PSMG1: variants seen among roughly 807,000 people sequenced by gnomAD.
PSMG1 encodes proteasome assembly chaperone 1, also known as Down syndrome critical region gene 2.
Under a neutral mutation model 37.2 loss-of-function variants are expected in PSMG1, and 23 were observed. That is an observed-to-expected ratio of 0.62 (90% CI 0.44 to 0.88). PSMG1 has a LOEUF of 0.88. Among genes scored for constraint, PSMG1 ranks in the 40% least tolerant of loss-of-function variants. The pLI, the probability that PSMG1 is intolerant of heterozygous loss-of-function variation, is 0.00. For missense variants in PSMG1, 340 were observed against 344.2 expected, an observed-to-expected ratio of 0.99 and a Z score of 0.10; for synonymous variants, 127 against 128.0, an observed-to-expected ratio of 0.99 and a Z score of 0.05.
Position 39,177,487 on chromosome 21 carries a change from A to G in PSMG1, c.740T>C (p.Val247Ala), listed in dbSNP as rs779492117. 1.1e-4 allele frequency: 181 copies of G among 1,608,436 alleles called. 2 individuals are homozygous for G. The South Asian group carries it at 1.9e-3, about 17-fold the overall frequency. The change falls in exon 6 of 7, where the codon GTG becomes GCG. Residue 247 changes from valine to alanine, a missense_variant. By Grantham distance (64) the Val-to-Ala change is moderately conservative. Coordinates refer to ENST00000331573, the MANE Select transcript of PSMG1 (RefSeq NM_003720.4). ...TDVMKLDLIT[V>A]EAFKPILSTR... is the part of the protein sequence containing the mutation. ...AGAAAGTATAGGCTTAAAAGCTTCCACTGTGATTAGGTCTAATTTCATCAC... is the reference window on the plus strand; with the variant it reads ...AGAAAGTATAGGCTTAAAAGCTTCCGCTGTGATTAGGTCTAATTTCATCAC...
Position 39,178,664 on chromosome 21 carries a change from T to C in PSMG1, c.457-17A>G. 1 of 1,595,832 alleles carries C rather than the reference T, an allele frequency of 6.3e-7. No individual in the cohort carries two copies. The highest frequency in any genetic ancestry group is 8.5e-7 in the Non-Finnish European group (1 of 1,169,616). Reference sequence around the variant, plus strand: ...GCCAAAAACCTAACATAAAATTTATTTCAAATTAAAAAAAACATATAATTT... The same window carrying C: ...GCCAAAAACCTAACATAAAATTTATCTCAAATTAAAAAAAACATATAATTT... On this transcript the variant is annotated splice_polypyrimidine_tract_variant and intron_variant, in intron 4 of 6. Coordinates refer to ENST00000331573, the MANE Select transcript of PSMG1 (RefSeq NM_003720.4).
In PSMG1 at chr21:39,183,442, T is replaced by C; in HGVS notation, c.-57A>G. On this transcript the variant is annotated 5_prime_UTR_variant, in exon 1 of 7. Coordinates refer to ENST00000331573, the MANE Select transcript of PSMG1 (RefSeq NM_003720.4). ...AGCGCCGCGGGACCGCACGCCGGCT[T>C]GCGCGAGACCACGCTCCCTCACCGC... 2.0e-6 allele frequency: 3 copies of C among 1,514,386 alleles called. No individual in the cohort carries two copies. Among genetic ancestry groups the C allele is most frequent in the South Asian group, 1.2e-5 (1 of 81,254 alleles). 93.8% of individuals were successfully genotyped at this position (1,514,386 alleles called of 1,614,324 possible). A position where few individuals can be genotyped will look rare whatever the true frequency, so the allele number is the denominator to read the frequency against.
rs759103374 is a variant in PSMG1 at position 39,183,426 on chromosome 21, G to A, written c.-41C>T. 2.3e-5 allele frequency: 36 copies of A among 1,535,948 alleles called. No individual in the cohort carries two copies. Among genetic ancestry groups the A allele is most frequent in the Middle Eastern group, 1.7e-4 (1 of 5,904 alleles). ...GGCTGGACACAACTGCAGCGCCGCG[G>A]GACCGCACGCCGGCTTGCGCGAGAC... On this transcript the variant is annotated 5_prime_UTR_variant, in exon 1 of 7. Transcript: ENST00000331573.
chr21:39,183,250 A>G lies in PSMG1; in HGVS notation c.134+2T>C. ...CGCGCTGCCCTTATCCCGGTGCCTC[A>G]CCTCTTCCGCGCCAGCTGCAGACGC... On this transcript the variant is annotated splice_donor_variant, in intron 1 of 6. Coordinates refer to ENST00000331573, the MANE Select transcript of PSMG1 (RefSeq NM_003720.4). LOFTEE classifies it high-confidence loss of function. The G allele has an allele frequency of 6.3e-7, 1 of 1,578,930 alleles. No individual in the cohort carries two copies. The highest frequency in any genetic ancestry group is 1.4e-5 in the African/African-American group (1 of 71,814).
chr21:39,176,163 T>C (rs1287333637), intron 6 of PSMG1, among the ~76,000 whole-genome samples: 1 of 152,218 alleles, frequency 6.6e-6, no homozygotes, highest in East Asian at 1.9e-4. Context: ...CTGATGTAAT[T>C]GGTCATTAAG....
chr21:39,182,303 T>A (rs986334797), intron 1 of PSMG1, among the ~76,000 whole-genome samples: 1 of 152,176 alleles, frequency 6.6e-6, no homozygotes, highest in African/African-American at 2.4e-5. Context: ...AACGAAGCTA[T>A]CAGACAAATT....
In PSMG1 at chr21:39,183,365, T is replaced by A. The variant is rs1331996164; in HGVS notation, c.21A>T (p.Gly7=). Residue 7 remains glycine, a synonymous_variant, in exon 1 of 7, where the codon GGA becomes GGT. Coordinates refer to ENST00000331573, the MANE Select transcript of PSMG1 (RefSeq NM_003720.4). MAATFF[G]EVVKAPCRAG... is the part of the protein sequence containing the mutation. ...CTCGGCACGGCGCCTTCACCACCTC[T>A]CCGAAGAACGTGGCCGCCATAGCCG... The A allele has an allele frequency of 6.4e-7, 1 of 1,572,700 alleles. No homozygotes were observed. The highest frequency in any genetic ancestry group is 8.6e-7 in the Non-Finnish European group (1 of 1,163,174).
At chr21:39,181,542 G>T (rs1409054417) in intron 2 of PSMG1, among the ~76,000 whole-genome samples, 1 of 151,770 alleles carries the variant, frequency 6.6e-6, no homozygotes, top group African/African-American at 2.4e-5. Flanking sequence ...GATCACTTGA[G>T]GACAGGAGTG....
At position 39,175,593 on chromosome 21, in the gene PSMG1, T is replaced by A. The variant is rs2146403209; in HGVS notation, c.864A>T (p.Thr288=). 2 of 1,588,638 alleles carry A rather than the reference T, an allele frequency of 1.3e-6. No individual in the cohort carries two copies. The highest frequency in any genetic ancestry group is 4.5e-5 in the East Asian group (2 of 44,720). Residue 288 remains threonine, a synonymous_variant, in exon 7 of 7, where the codon ACA becomes ACT. Transcript: ENST00000331573. The part of the protein sequence containing the change: ...TTNEIQSNIY[T] Reference sequence around the variant, plus strand: ...CACTACAAAACAATGTTTAAGATCATGTATAAATGTTACTCTGAATCTCAT... The same window carrying A: ...CACTACAAAACAATGTTTAAGATCAAGTATAAATGTTACTCTGAATCTCAT...
At chr21:39,182,117 A>AATCTTAGC (rs1292986935) in intron 1 of PSMG1, among the ~76,000 whole-genome samples, 1 of 152,254 alleles carries the variant, frequency 6.6e-6, no homozygotes, top group Non-Finnish European at 1.5e-5. Flanking sequence ...CCCAAGAACC[A>AATCTTAGC]ATCTTAGCAT....
Position 39,183,296 on chromosome 21 carries a change from C to T in PSMG1, c.90G>A (p.Glu30=). The change falls in exon 1 of 7, where the codon GAG becomes GAA. Residue 30 remains glutamate (E), a synonymous_variant. Coordinates refer to ENST00000331573, the MANE Select transcript of PSMG1 (RefSeq NM_003720.4). ...GACGCACCTCCCTGTCCTCGGGCGTCTCCCTCCGCCCCTCCTCCTCCTCCT... is the reference window on the plus strand; with the variant it reads ...GACGCACCTCCCTGTCCTCGGGCGTTTCCCTCCGCCCCTCCTCCTCCTCCT... ...DEEEEEEGRR[E]TPEDREVRLQ... is the part of the protein sequence containing the mutation. 1.9e-6 allele frequency: 3 copies of T among 1,586,178 alleles called. No individual in the cohort carries two copies. The highest frequency in any genetic ancestry group is 2.6e-6 in the Non-Finnish European group (3 of 1,169,046).
chr21:39,180,584 A>T (rs965803568), intron 2 of PSMG1, 148 bp from the exon 3 acceptor site: 4 of 708,862 alleles, frequency 5.6e-6, no homozygotes, highest in Non-Finnish European at 8.2e-6. Context: ...ATACAGAAAA[A>T]GAAACTGAGG....
intron 1 of PSMG1, among the ~76,000 whole-genome samples, chr21:39,182,626 C>T (rs865867355): frequency 6.6e-6 from 1 of 152,124 alleles, no homozygotes; most frequent in African/African-American, 2.4e-5. Flanking sequence ...GACTGGAATT[C>T]GCTTAGGAGT....
chr21:39,176,643 G>A (rs2030636097), intron 6 of PSMG1, among the ~76,000 whole-genome samples: 1 of 152,226 alleles, frequency 6.6e-6, no homozygotes, highest in Non-Finnish European at 1.5e-5. Flanking sequence ...TGCCAGGTAT[G>A]TGGTAAACTT....
At chr21:39,179,207 C>A (rs1419925732) in intron 4 of PSMG1, among the ~76,000 whole-genome samples, 1 of 152,158 alleles carries the variant, frequency 6.6e-6, no homozygotes, top group African/African-American at 2.4e-5. Context: ...ATACAGCCTG[C>A]AGAACTGTCA....
Position 39,177,541 on chromosome 21 carries a change from G to A in PSMG1, c.686C>T (p.Pro229Leu), listed in dbSNP as rs779327198. 3.1e-6 allele frequency: 5 copies of A among 1,589,314 alleles called. No individual in the cohort carries two copies. In the African/African-American group the frequency reaches 4.1e-5, roughly 13 times the overall value. ...VLSYCQVWKI[P>L]AILYLCYTDV... is the part of the protein sequence containing the mutation. Reference sequence around the variant, plus strand: ...AGTATAACACAAGTACAGAATTGCTGGGATTTTCCATACTTGACAGTAGCT... The same window carrying A: ...AGTATAACACAAGTACAGAATTGCTAGGATTTTCCATACTTGACAGTAGCT... The change falls in exon 6 of 7, where the codon CCA becomes CTA. Residue 229 changes from proline (P) to leucine (L), a missense_variant. Pro to Leu is a moderately conservative substitution (Grantham distance 98). Coordinates refer to ENST00000331573, the MANE Select transcript of PSMG1 (RefSeq NM_003720.4).
At chr21:39,178,813 T>C (rs749625763) in intron 4 of PSMG1, 166 bp from the exon 5 acceptor site, 4 of 673,772 alleles carry the variant, frequency 5.9e-6, no homozygotes, top group Non-Finnish European at 9.8e-6. Flanking sequence ...AACCTGGGTT[T>C]GATCTTGGTT....
chr21:39,180,310 A>C lies in PSMG1; in HGVS notation c.368T>G (p.Phe123Cys). 6.2e-7 allele frequency: 1 copy of C among 1,606,808 alleles called. No homozygotes were observed. The highest frequency in any genetic ancestry group is 8.5e-7 in the Non-Finnish European group (1 of 1,177,090). ...HLSSTEAFCV[F>C]YHLKSNPSVF... is the part of the protein sequence containing the mutation. Reference sequence around the variant, plus strand: ...CGAGGGATTGGATTTTAGATGATAAAACACACAAAAAGCCTCTGTGGAGGA... The same window carrying C: ...CGAGGGATTGGATTTTAGATGATAACACACACAAAAAGCCTCTGTGGAGGA... Residue 123 changes from phenylalanine to cysteine, a missense_variant, in exon 3 of 7, where the codon TTT becomes TGT. Coordinates refer to ENST00000331573, the MANE Select transcript of PSMG1 (RefSeq NM_003720.4).
At chr21:39,180,258 C>A in intron 3 of PSMG1, 27 bp downstream of exon 3, 2 of 1,564,888 alleles carry the variant, frequency 1.3e-6, no homozygotes, top group South Asian at 1.2e-5. Flanking sequence ...TAAATAACTG[C>A]TTTTCAAACA....
Sources: allele counts gnomAD v4.1 joint callset (sites outside exome capture counted in the v4.1 genomes callset), GRCh38; gene constraint gnomAD v4.1.1; transcripts MANE v1.5; gene names NCBI Gene and HGNC (gene_info 2026-07-23, HGNC 2026-07-21).